Variants in HIPK1 observed in about 807,000 individuals in gnomAD.
The protein encoded by HIPK1 is homeodomain-interacting protein kinase 1.
HIPK1 carries 28 observed loss-of-function variants against 117.1 expected under a neutral mutation model. That is an observed-to-expected ratio of 0.24 (90% CI 0.18 to 0.33). The LOEUF (loss-of-function observed/expected upper bound fraction) is 0.33. Among genes scored for constraint, HIPK1 ranks in the 10% least tolerant of loss-of-function variants. The probability of loss-of-function intolerance (pLI) is 1.00; values close to 1 mark genes in which losing one functional copy is unlikely to be tolerated. For synonymous variants in HIPK1, 605 were observed against 562.5 expected (o/e 1.08, Z -1.07); for missense variants, 1,122 against 1,475.1 (o/e 0.76, Z 3.92).
At chr1:113,938,925 A>ATATAC (rs1422815479) in intron 1 of HIPK1, among the ~76,000 whole-genome samples, 2 of 25,976 alleles carry the variant, frequency 7.7e-5, no homozygotes, top group African/African-American at 3.2e-4. Flanking sequence ...AAAAAAAAAA[A>ATATAC]AAATACACAC....
rs757193735 is a variant in HIPK1 at position 113,958,301 on chromosome 1, GA to G, written c.1981+13del. On this transcript the variant is annotated intron_variant, in intron 8 of 15. Coordinates refer to ENST00000426820, the MANE Select transcript of HIPK1 (RefSeq NM_198268.3). ...CCACCTGCGTTTCAAAGTAAGTGGG[GA>G]AACTCCTGTATCATATGGTATTGTA... The G allele has an allele frequency of 1.9e-6, 3 of 1,579,884 alleles. No individual in the cohort carries two copies. The highest frequency in any genetic ancestry group is 1.7e-4 in the Middle Eastern group (1 of 6,012).
rs760929210 is a variant in HIPK1 at position 113,940,705 on chromosome 1, C to T, written c.322C>T (p.His108Tyr). 9 of 1,614,168 alleles carry T rather than the reference C, an allele frequency of 5.6e-6. No individual in the cohort carries two copies. The highest frequency in any genetic ancestry group is 7.6e-6 in the Non-Finnish European group (9 of 1,180,038). ...CTTCCAAAGCAGCCAGACCCTGACTCACAGAAGCAACGTTTCTTTGCTTGA... is the reference window on the plus strand; with the variant it reads ...CTTCCAAAGCAGCCAGACCCTGACTTACAGAAGCAACGTTTCTTTGCTTGA... ...STFQSSQTLT[H>Y]RSNVSLLEPY... The change falls in exon 2 of 16, where the codon CAC (histidine) becomes TAC (tyrosine). Residue 108 changes from histidine to tyrosine, a missense_variant. His to Tyr is a moderately conservative substitution (Grantham distance 83). Transcript: ENST00000426820.
chr1:113,953,343 G>C (rs752616379), intron 3 of HIPK1, among the ~76,000 whole-genome samples: 1 of 152,102 alleles, frequency 6.6e-6, no homozygotes, highest in Non-Finnish European at 1.5e-5. Context: ...ATACTGGGTC[G>C]CTAAGATAGG....
At chr1:113,935,309 A>T (rs754845806) in intron 1 of HIPK1, among the ~76,000 whole-genome samples, 2 of 152,130 alleles carry the variant, frequency 1.3e-5, no homozygotes, top group Non-Finnish European at 2.9e-5. Context: ...TTTGTTTAGG[A>T]TAGTGGCCCT....
rs776548413 is a variant in HIPK1 at position 113,967,760 on chromosome 1, G to C, written c.2382-6G>C. ...TTCACTCTTCTCTTTCTTTCTGTTG[G>C]TACAGGAATGCCCACTCTCATGGCA... On this transcript the variant is annotated splice_polypyrimidine_tract_variant and splice_region_variant and intron_variant, in intron 11 of 15. Transcript: ENST00000426820. The C allele has an allele frequency of 6.7e-7, 1 of 1,500,622 alleles. No individual in the cohort carries two copies. Among genetic ancestry groups the C allele is most frequent in the East Asian group, 2.5e-5 (1 of 40,312 alleles). The allele number at this position is 1,500,622 out of a possible 1,614,324, so 93.0% of individuals were successfully genotyped here. A position where few individuals can be genotyped will look rare whatever the true frequency, so the allele number is the denominator to read the frequency against.
At position 113,954,738 on chromosome 1, in the gene HIPK1, C is replaced by A. The variant is rs1369479790; in HGVS notation, c.1288C>A (p.Pro430Thr). Residue 430 changes from proline (P) to threonine (T), a missense_variant, in exon 4 of 16, where the codon CCT becomes ACT. Physicochemically the swap from Pro to Thr is conservative, Grantham distance 38. This residue lies in a region of HIPK1 where 127 missense variants were observed against 197.9 expected (regional missense o/e 0.64). Transcript: ENST00000426820. ...TKTTRFFNRDPNLGYPLWRLK... is the reference protein window; with the variant it reads ...TKTTRFFNRDTNLGYPLWRLK... ...AACAACCAGGTTTTTCAACAGAGAT[C>A]CTAATTTGGGGTACCCACTGTGGAG... The A allele has an allele frequency of 6.2e-7, 1 of 1,614,088 alleles. No homozygotes were observed.
chr1:113,955,988 T>G (rs1193256201), intron 5 of HIPK1, among the ~76,000 whole-genome samples: 1 of 152,040 alleles, frequency 6.6e-6, no homozygotes, highest in Non-Finnish European at 1.5e-5. Context: ...CACTTCACAC[T>G]TATGTCATTT....
intron 8 of HIPK1, among the ~76,000 whole-genome samples, chr1:113,959,714 A>AT (rs1409359523): frequency 2.6e-5 from 4 of 152,190 alleles, no homozygotes; most frequent in African/African-American, 9.7e-5. Context: ...AAGCTTTGAA[A>AT]TTTTTCCTAT....
intron 2 of HIPK1, 130 bp from the exon 3 acceptor site, chr1:113,952,636 C>T: frequency 1.5e-6 from 1 of 647,478 alleles, no homozygotes; most frequent in South Asian, 4.0e-5. Context: ...GATTGTATAC[C>T]AAAGATTTTT....
At chr1:113,932,748 G>A (rs912559289) in intron 1 of HIPK1, among the ~76,000 whole-genome samples, 1 of 152,084 alleles carries the variant, frequency 6.6e-6, no homozygotes, top group African/African-American at 2.4e-5. Flanking sequence ...ATCTGTAAGA[G>A]TTCCAGTACT....
At chr1:113,929,602 G>C (rs1032801098) in intron 1 of HIPK1, 70 bp downstream of exon 1, 2 of 1,160,400 alleles carry the variant, frequency 1.7e-6, no homozygotes, top group Non-Finnish European at 2.3e-6. Context: ...AGGGACGGCC[G>C]CTCGGCATTC....
chr1:113,964,577 T>A (rs1473080561), intron 10 of HIPK1, among the ~76,000 whole-genome samples: 1 of 152,266 alleles, frequency 6.6e-6, no homozygotes, highest in African/African-American at 2.4e-5. Context: ...TCAAAGTTGC[T>A]TTAAATTTCT....
chr1:113,975,773 G>A lies in HIPK1; in HGVS notation c.*2261G>A, dbSNP rs1266998216. ...CCTGTTGAGTCATTGAGGCTTTTGA[G>A]GTTTCTTTTTTAACAGCTTGTATAG... On this transcript the variant is annotated 3_prime_UTR_variant, in exon 16 of 16. Transcript: ENST00000426820. 1 of 152,636 alleles carries A rather than the reference G, an allele frequency of 6.6e-6. No individual in the cohort carries two copies. The highest frequency in any genetic ancestry group is 1.5e-5 in the Non-Finnish European group (1 of 68,018). The allele number at this position is 152,636 out of a possible 1,614,324, so 9.5% of individuals were successfully genotyped here. A position where few individuals can be genotyped will look rare whatever the true frequency, so the allele number is the denominator to read the frequency against.
intron 8 of HIPK1, among the ~76,000 whole-genome samples, chr1:113,959,700 A>G (rs1389402792): frequency 1.3e-5 from 2 of 152,200 alleles, no homozygotes; most frequent in African/African-American, 2.4e-5. Context: ...TAGTATAATT[A>G]GGTAAGCTTT....
intron 1 of HIPK1, among the ~76,000 whole-genome samples, chr1:113,935,224 T>G (rs981640349): frequency 2.0e-5 from 3 of 152,082 alleles, no homozygotes; most frequent in African/African-American, 7.2e-5. Context: ...GTTGGCCTCT[T>G]TGTGTCCATG....
intron 2 of HIPK1, 38 bp from the exon 3 acceptor site, chr1:113,952,728 T>A (rs748219059): frequency 1.5e-6 from 2 of 1,309,986 alleles, no homozygotes; most frequent in Non-Finnish European, 2.0e-6. Flanking sequence ...CAAATAATGT[T>A]TTTTTTTTTT....
chr1:113,942,677 G>A (rs17032019), intron 2 of HIPK1, among the ~76,000 whole-genome samples: 1,853 of 152,182 alleles, frequency 0.012, 42 homozygotes, highest in African/African-American at 0.043. Flanking sequence ...TACTTTTAAT[G>A]TAGCTACCAT....
At chr1:113,946,004 C>G (rs1670966349) in intron 2 of HIPK1, among the ~76,000 whole-genome samples, 1 of 152,126 alleles carries the variant, frequency 6.6e-6, no homozygotes, top group African/African-American at 2.4e-5. Context: ...TTTTATAAAA[C>G]TGGTATTTTT....
intron 2 of HIPK1, among the ~76,000 whole-genome samples, chr1:113,950,254 A>G (rs370696555): frequency 2.0e-4 from 30 of 152,302 alleles, no homozygotes; most frequent in African/African-American, 6.5e-4. Context: ...ATAAGCACAT[A>G]TCACTTGAAA....
Sources: allele counts gnomAD v4.1 joint callset (sites outside exome capture counted in the v4.1 genomes callset), GRCh38; gene constraint gnomAD v4.1.1; regional missense constraint gnomAD v4.1.1; transcripts MANE v1.5; gene names NCBI Gene and HGNC (gene_info 2026-07-23, HGNC 2026-07-21).